Variants in SH3GLB1 observed in about 807,000 individuals in gnomAD.
SH3GLB1 encodes the protein SH3 domain containing GRB2 like, endophilin B1, also known as endophilin-B1.
In SH3GLB1, 17 loss-of-function variants were observed where a neutral mutation model predicts 42.0. The observed-to-expected ratio is 0.40, with a 90% CI of 0.28 to 0.61. The LOEUF (loss-of-function observed/expected upper bound fraction) is 0.61, where lower values mean the gene tolerates loss of function less well. Ranked by LOEUF, SH3GLB1 falls within the 20% of genes least tolerant of loss-of-function variation. SH3GLB1 has a pLI of 0.36. For synonymous variants in SH3GLB1, 132 were observed against 146.6 expected, an observed-to-expected ratio of 0.90 and a Z score of 0.72; for missense variants, 355 against 426.3, an observed-to-expected ratio of 0.83 and a Z score of 1.47.
intron 2 of SH3GLB1, among the ~76,000 whole-genome samples, chr1:86,718,888 T>C (rs1317823541): frequency 6.6e-6 from 1 of 152,226 alleles, no homozygotes; most frequent in Admixed American, 6.5e-5. Flanking sequence ...ATCTTTTGAG[T>C]GAATGCATGC....
At chr1:86,736,244 A>ATC (rs1172622496) in intron 7 of SH3GLB1, among the ~76,000 whole-genome samples, 2 of 152,206 alleles carry the variant, frequency 1.3e-5, no homozygotes, top group Admixed American at 6.5e-5. Flanking sequence ...GAACCATTAA[A>ATC]GCAGGGGAGC....
At chr1:86,724,882 A>ATATATATATAT (rs1429770726) in intron 5 of SH3GLB1, among the ~76,000 whole-genome samples, 3 of 106,042 alleles carry the variant, frequency 2.8e-5, no homozygotes, top group African/African-American at 1.5e-4. Flanking sequence ...TTTAAAAAAA[A>ATATATATATAT]AAAAAAAAAA....
intron 5 of SH3GLB1, chr1:86,730,087 G>A: frequency 6.3e-7 from 1 of 1,595,702 alleles, no homozygotes; most frequent in East Asian, 2.3e-5. Context: ...ATGCTGGCTA[G>A]ATTTGGGCAG....
chr1:86,735,838 C>T (rs1320802250), intron 7 of SH3GLB1, among the ~76,000 whole-genome samples: 1 of 152,218 alleles, frequency 6.6e-6, no homozygotes, highest in Non-Finnish European at 1.5e-5. Context: ...GGTCTCTGCT[C>T]TCACAACACT....
intron 1 of SH3GLB1, among the ~76,000 whole-genome samples, chr1:86,715,077 T>A (rs1654430108): frequency 1.3e-5 from 2 of 152,152 alleles, no homozygotes; most frequent in Admixed American, 6.5e-5. Context: ...CCTCAGCAGC[T>A]TAAATGACAG....
chr1:86,724,874 T>TAAAAAAAAA (rs1165438979), intron 5 of SH3GLB1, among the ~76,000 whole-genome samples: 12 of 97,908 alleles, frequency 1.2e-4, no homozygotes, highest in African/African-American at 5.9e-4. Context: ...ACCCTGTCTT[T>TAAAAAAAAA]AAAAAAAAAA....
At position 86,743,303 on chromosome 1, in the gene SH3GLB1, C is replaced by T. The variant is rs1656153655; in HGVS notation, c.*68C>T. 10 of 1,071,912 alleles carry T rather than the reference C, an allele frequency of 9.3e-6. No individual in the cohort carries two copies. In the South Asian group the frequency reaches 1.8e-4, roughly 20 times the overall value. The allele number at this position is 1,071,912 out of a possible 1,614,324, so 66.4% of individuals were successfully genotyped here. A position where few individuals can be genotyped will look rare whatever the true frequency, so the allele number is the denominator to read the frequency against. ...TATATACAATTAACTCTAAATAAAGCAGGTTAAGTATCTTCCATGTTAATG... is the reference window on the plus strand; with the variant it reads ...TATATACAATTAACTCTAAATAAAGTAGGTTAAGTATCTTCCATGTTAATG... On this transcript the variant is annotated 3_prime_UTR_variant, in exon 9 of 9. Coordinates refer to ENST00000370558, the MANE Select transcript of SH3GLB1 (RefSeq NM_016009.5).
intron 2 of SH3GLB1, 43 bp downstream of exon 2, chr1:86,715,908 G>C: frequency 1.3e-6 from 2 of 1,557,104 alleles, no homozygotes; most frequent in Non-Finnish European, 1.7e-6. Flanking sequence ...ACTATTAGTG[G>C]GTTTTTAAAT....
intron 1 of SH3GLB1, 84 bp downstream of exon 1, chr1:86,705,055 G>A: frequency 2.2e-6 from 2 of 929,376 alleles, no homozygotes; most frequent in African/African-American, 3.5e-5. Flanking sequence ...GCGCCCCCGG[G>A]CCTCGCCGAC....
At position 86,724,403 on chromosome 1, in the gene SH3GLB1, T is replaced by G. The variant is rs1655042460; in HGVS notation, c.568T>G (p.Ser190Ala). The stretch of plus-strand genomic sequence containing the variant: ...GGCAAAAGCTGCAGAAACTAGAAAT[T>G]CAGTAAGTAAATAGAAAAATATTTT... ...KKAKAAETRNSSEQELRITQS... is the reference protein window; with the variant it reads ...KKAKAAETRNASEQELRITQS... Residue 190 changes from serine (S) to alanine (A), a missense_variant and splice_region_variant, in exon 5 of 9, where the codon TCA (serine) becomes GCA (alanine). Transcript: ENST00000370558. 6.3e-7 allele frequency: 1 copy of G among 1,586,654 alleles called. No individual in the cohort carries two copies. The highest frequency in any genetic ancestry group is 8.6e-7 in the Non-Finnish European group (1 of 1,167,930).
intron 6 of SH3GLB1, among the ~76,000 whole-genome samples, 170 bp downstream of exon 6, chr1:86,734,861 G>A (rs534181179): frequency 6.6e-6 from 1 of 152,100 alleles, no homozygotes; most frequent in African/African-American, 2.4e-5. Flanking sequence ...TCTTATCACC[G>A]AGTTCTCCCA....
Position 86,704,885 on chromosome 1 carries a change from C to A in SH3GLB1, c.-15C>A, listed in dbSNP as rs757841403. On this transcript the variant is annotated 5_prime_UTR_variant, in exon 1 of 9. Transcript: ENST00000370558. ...CGCCGCTAGGTCGGCCGGCTCCGCCCGGCTGCCGCCTAGGATGAATATCAT... is the reference window on the plus strand; with the variant it reads ...CGCCGCTAGGTCGGCCGGCTCCGCCAGGCTGCCGCCTAGGATGAATATCAT... 6 of 1,558,100 alleles carry A rather than the reference C, an allele frequency of 3.9e-6. No homozygotes were observed. In the South Asian group the frequency reaches 7.0e-5, roughly 18 times the overall value.
intron 7 of SH3GLB1, among the ~76,000 whole-genome samples, chr1:86,740,253 T>A (rs1655993058): frequency 6.6e-6 from 1 of 152,136 alleles, no homozygotes; most frequent in Admixed American, 6.5e-5. Flanking sequence ...CTGCTGAAAT[T>A]TTGAGGATGG....
intron 1 of SH3GLB1, among the ~76,000 whole-genome samples, chr1:86,708,208 T>G (rs1485580176): frequency 6.6e-6 from 1 of 152,236 alleles, no homozygotes; most frequent in Non-Finnish European, 1.5e-5. Context: ...ATCTCAGTAT[T>G]TATTTCATCA....
chr1:86,741,528 A>G (rs1425024643), intron 7 of SH3GLB1, among the ~76,000 whole-genome samples: 1 of 152,204 alleles, frequency 6.6e-6, no homozygotes, highest in Non-Finnish European at 1.5e-5. Flanking sequence ...AGCACAAATG[A>G]ACTTGTAAAA....
At chr1:86,730,377 T>A (rs1655439779) in intron 5 of SH3GLB1, 7 of 985,400 alleles carry the variant, frequency 7.1e-6, no homozygotes, top group African/African-American at 1.7e-5. Context: ...TACAGTTCCT[T>A]ACTATAGAAG....
At chr1:86,738,335 G>A (rs939878753) in intron 7 of SH3GLB1, among the ~76,000 whole-genome samples, 4 of 151,884 alleles carry the variant, frequency 2.6e-5, no homozygotes, top group African/African-American at 7.3e-5. Context: ...GCGCAATCTC[G>A]GCTCACTGCA....
chr1:86,718,565 T>C (rs1175378807), intron 2 of SH3GLB1, among the ~76,000 whole-genome samples: 1 of 152,230 alleles, frequency 6.6e-6, no homozygotes, highest in Non-Finnish European at 1.5e-5. Context: ...CTGGTTCAGC[T>C]CATTTTTTAA....
At position 86,746,467 on chromosome 1, in the gene SH3GLB1, A is replaced by G. The variant is rs893836615; in HGVS notation, c.*3232A>G. 5.9e-5 allele frequency: 9 copies of G among 152,326 alleles called. No individual in the cohort carries two copies. Among genetic ancestry groups the G allele is most frequent in the African/African-American group, 2.2e-4 (9 of 41,454 alleles). The allele number at this position is 152,326 out of a possible 1,614,324, so 9.4% of individuals were successfully genotyped here. ...TTTAGCCTATAGCCAACTTTGCCTC[A>G]AGACCTCCAGATAAGATGAAGTGGC... On this transcript the variant is annotated 3_prime_UTR_variant, in exon 9 of 9. Coordinates refer to ENST00000370558, the MANE Select transcript of SH3GLB1 (RefSeq NM_016009.5).
Sources: allele counts gnomAD v4.1 joint callset (sites outside exome capture counted in the v4.1 genomes callset), GRCh38; gene constraint gnomAD v4.1.1; transcripts MANE v1.5; gene names NCBI Gene and HGNC (gene_info 2026-07-23, HGNC 2026-07-21).